SGCZ: variants seen among roughly 807,000 people sequenced by gnomAD.
SGCZ encodes zeta-sarcoglycan.
In SGCZ, 40 loss-of-function variants were observed where a neutral mutation model predicts 41.3. The ratio of observed to expected loss-of-function variants is 0.97; its 90% CI spans 0.75 to 1.26. The LOEUF is 1.26. Among genes scored for constraint, SGCZ ranks in the 50% most tolerant of loss-of-function variants. SGCZ has a pLI of 0.00. For missense variants in SGCZ, 552 were observed against 369.8 expected (o/e 1.49, Z -4.04); for synonymous variants, 206 against 137.5 (o/e 1.50, Z -3.49).
At chr8:14,232,446 C>G (rs1233675938) in intron 4 of SGCZ, among the ~76,000 whole-genome samples, 1 of 151,912 alleles carries the variant, frequency 6.6e-6, no homozygotes, top group Non-Finnish European at 1.5e-5. Flanking sequence ...TGTTTAATTG[C>G]TTGCAAATGA....
At chr8:15,116,884 C>T (rs1415094887) in intron 1 of SGCZ, among the ~76,000 whole-genome samples, 2 of 152,198 alleles carry the variant, frequency 1.3e-5, no homozygotes, top group Admixed American at 6.5e-5. Flanking sequence ...AATGGTTCAA[C>T]TACAATCACA....
At chr8:14,177,650 C>A (rs900449500) in intron 4 of SGCZ, among the ~76,000 whole-genome samples, 2 of 151,148 alleles carry the variant, frequency 1.3e-5, no homozygotes, top group African/African-American at 4.9e-5. Context: ...GCTGGGACTA[C>A]AGGCGCCCGC....
chr8:14,454,071 T>A (rs1800673544), intron 2 of SGCZ, among the ~76,000 whole-genome samples: 1 of 152,204 alleles, frequency 6.6e-6, no homozygotes, highest in Admixed American at 6.5e-5. Flanking sequence ...AGTTGCTATC[T>A]ACGATGACGT....
intron 1 of SGCZ, among the ~76,000 whole-genome samples, chr8:15,030,149 A>G (rs1288809204): frequency 6.6e-6 from 1 of 152,136 alleles, no homozygotes; most frequent in Non-Finnish European, 1.5e-5. Flanking sequence ...ATGGGAAAGC[A>G]GCACAGGAAT....
At chr8:15,057,771 C>A (rs964002151) in intron 1 of SGCZ, among the ~76,000 whole-genome samples, 24 of 152,186 alleles carry the variant, frequency 1.6e-4, no homozygotes, top group Non-Finnish European at 1.5e-5. Context: ...TCACTCAGAG[C>A]TAATCATATT....
chr8:14,828,050 C>G (rs1563298053), intron 1 of SGCZ, among the ~76,000 whole-genome samples: 1 of 152,156 alleles, frequency 6.6e-6, no homozygotes, highest in Admixed American at 6.5e-5. Flanking sequence ...TGAGAAGCTG[C>G]TGATCACACA....
chr8:14,173,734 A>G (rs907149184), intron 4 of SGCZ, among the ~76,000 whole-genome samples: 9 of 147,920 alleles, frequency 6.1e-5, no homozygotes, highest in African/African-American at 1.9e-4. Context: ...TAAAATAAAC[A>G]AAAGATAGAG....
At chr8:14,417,235 A>C (rs1243172074) in intron 2 of SGCZ, among the ~76,000 whole-genome samples, 1 of 151,946 alleles carries the variant, frequency 6.6e-6, no homozygotes, top group African/African-American at 2.4e-5. Flanking sequence ...CTCAGTTCGT[A>C]GTGCAATAGG....
chr8:15,132,983 C>T (rs749483948), intron 1 of SGCZ, among the ~76,000 whole-genome samples: 2 of 151,986 alleles, frequency 1.3e-5, no homozygotes, highest in Non-Finnish European at 2.9e-5. Context: ...CTACAAAGAA[C>T]ACAAATAAAA....
chr8:14,465,942 A>C (rs934055776), intron 2 of SGCZ, among the ~76,000 whole-genome samples: 4 of 150,908 alleles, frequency 2.7e-5, no homozygotes, highest in Admixed American at 2.0e-4. Flanking sequence ...TAGACTAATA[A>C]GTTTTTAATG....
intron 1 of SGCZ, among the ~76,000 whole-genome samples, chr8:15,204,719 A>T (rs907883614): frequency 1.1e-4 from 16 of 152,156 alleles, no homozygotes; most frequent in African/African-American, 3.4e-4. Context: ...CCTTTCATAA[A>T]CACCCCACAT....
chr8:14,781,167 A>C (rs1800576496), intron 1 of SGCZ, among the ~76,000 whole-genome samples: 1 of 152,150 alleles, frequency 6.6e-6, no homozygotes, highest in South Asian at 2.1e-4. Flanking sequence ...CTTTTTTCTA[A>C]GCAGTTCTAC....
chr8:14,246,340 G>A (rs139541294), intron 3 of SGCZ, among the ~76,000 whole-genome samples: 42,918 of 151,560 alleles, frequency 0.28, 6,297 homozygotes, highest in South Asian at 0.43. Context: ...GTAAACTATC[G>A]CAAGGACAAA....
At chr8:14,748,157 G>A (rs1361420120) in intron 1 of SGCZ, among the ~76,000 whole-genome samples, 1 of 152,036 alleles carries the variant, frequency 6.6e-6, no homozygotes, top group African/African-American at 2.4e-5. Context: ...ATTGTATTAA[G>A]CTCTTCTAAT....
intron 1 of SGCZ, among the ~76,000 whole-genome samples, chr8:15,159,125 T>C (rs1056846721): frequency 2.0e-5 from 3 of 152,144 alleles, no homozygotes; most frequent in Non-Finnish European, 4.4e-5. Context: ...TGATTATCAA[T>C]GGCCAATGAT....
chr8:14,511,246 T>C (rs961420671), intron 2 of SGCZ, among the ~76,000 whole-genome samples: 11 of 151,892 alleles, frequency 7.2e-5, no homozygotes, highest in Non-Finnish European at 1.6e-4. Context: ...GCCTGTGATA[T>C]ATATCACATT....
chr8:14,226,568 G>A (rs1029994694), intron 4 of SGCZ, among the ~76,000 whole-genome samples: 7 of 152,080 alleles, frequency 4.6e-5, no homozygotes, highest in African/African-American at 1.7e-4. Context: ...CCATTCCACT[G>A]TGTTAACATA....
At chr8:14,586,360 T>C (rs1201580944) in intron 1 of SGCZ, among the ~76,000 whole-genome samples, 2 of 151,966 alleles carry the variant, frequency 1.3e-5, no homozygotes, top group Non-Finnish European at 2.9e-5. Flanking sequence ...ACTACAGGCG[T>C]GTGTCATCAC....
intron 5 of SGCZ, among the ~76,000 whole-genome samples, chr8:14,120,894 C>A (rs1802676919): frequency 1.3e-5 from 2 of 152,030 alleles, no homozygotes. Flanking sequence ...TTAATCAGAT[C>A]ATCAATGATA....
Sources: allele counts gnomAD v4.1 joint callset (sites outside exome capture counted in the v4.1 genomes callset), GRCh38; gene constraint gnomAD v4.1.1; transcripts MANE v1.5; gene names NCBI Gene and HGNC (gene_info 2026-07-23, HGNC 2026-07-21).